The following CCSER1 variants were observed in gnomAD, a reference collection of about 807,000 sequenced individuals.
The protein encoded by CCSER1 is serine-rich coiled-coil domain-containing protein 1.
Under a neutral mutation model 82.0 loss-of-function variants are expected in CCSER1, and 41 were observed. The observed-to-expected ratio is 0.50, with a 90% CI of 0.39 to 0.65. CCSER1 has a LOEUF of 0.65. Among genes scored for constraint, CCSER1 ranks in the 30% least tolerant of loss-of-function variants. CCSER1 has a pLI of 0.00. For missense variants in CCSER1, 1,119 were observed against 1,064.2 expected (o/e 1.05, Z -0.72); for synonymous variants, 414 against 383.9 (o/e 1.08, Z -0.92).
intron 9 of CCSER1, among the ~76,000 whole-genome samples, chr4:90,980,679 G>A (rs72665476): frequency 0.26 from 38,794 of 151,406 alleles, 5,482 homozygotes; most frequent in Non-Finnish European, 0.32. Flanking sequence ...AGTGTGGCAG[G>A]GGCCAGAGGA....
intron 10 of CCSER1, among the ~76,000 whole-genome samples, chr4:91,308,841 G>A (rs10029578): frequency 0.78 from 118,739 of 151,842 alleles, 46,506 homozygotes; most frequent in Middle Eastern, 0.85. Context: ...TTTAACACAG[G>A]AGCAACCAAA....
At chr4:90,294,662 C>T (rs535318649) in intron 1 of CCSER1, among the ~76,000 whole-genome samples, 1 of 152,030 alleles carries the variant, frequency 6.6e-6, no homozygotes, top group South Asian at 2.1e-4. Flanking sequence ...TTTAAATAGG[C>T]TATATATCTC....
At position 90,376,461 on chromosome 4, in the gene CCSER1, A is replaced by G. The variant is rs530309821; in HGVS notation, c.1510-23575A>G. On this transcript the variant is annotated intron_variant, in intron 3 of 10. Transcript: ENST00000509176. ...GCTGAGCCTGTGTGATTTCTAATAC[A>G]TCTTTCTGTACACCTGGATTAATGC... Among the ~76,000 whole-genome samples, 29 of 152,248 alleles carry G rather than the reference A, an allele frequency of 1.9e-4. No homozygotes were observed. The South Asian group carries it at 5.2e-3, about 27-fold the overall frequency.
At chr4:91,175,211 C>G (rs1733201270) in intron 10 of CCSER1, among the ~76,000 whole-genome samples, 1 of 152,106 alleles carries the variant, frequency 6.6e-6, no homozygotes, top group Non-Finnish European at 1.5e-5. Flanking sequence ...TTTTCTTAAT[C>G]CAGTCTATTG....
intron 10 of CCSER1, among the ~76,000 whole-genome samples, chr4:91,571,543 C>T (rs752220498): frequency 6.6e-6 from 1 of 152,086 alleles, no homozygotes; most frequent in Non-Finnish European, 1.5e-5. Context: ...AGAATGAATG[C>T]CAGCAGGGTA....
At chr4:90,629,939 T>C (rs1212794691) in intron 6 of CCSER1, among the ~76,000 whole-genome samples, 1 of 152,248 alleles carries the variant, frequency 6.6e-6, no homozygotes, top group Non-Finnish European at 1.5e-5. Context: ...TAGAATCACA[T>C]GGTGGAAGTA....
chr4:90,823,376 G>A (rs1561200147), intron 8 of CCSER1, among the ~76,000 whole-genome samples: 1 of 151,944 alleles, frequency 6.6e-6, no homozygotes, highest in South Asian at 2.1e-4. Context: ...AACACTCAAC[G>A]ATTCCACCAC....
At chr4:91,201,026 T>C (rs972375344) in intron 10 of CCSER1, among the ~76,000 whole-genome samples, 1 of 152,034 alleles carries the variant, frequency 6.6e-6, no homozygotes, top group Non-Finnish European at 1.5e-5. Context: ...ACCAACATTT[T>C]CTGACAGTTT....
At chr4:91,165,073 C>G (rs375404185) in intron 10 of CCSER1, among the ~76,000 whole-genome samples, 7 of 152,192 alleles carry the variant, frequency 4.6e-5, no homozygotes, top group African/African-American at 1.7e-4. Flanking sequence ...GTGGTTTTAT[C>G]TACCTTTGGT....
At chr4:91,383,694 A>T (rs1158874043) in intron 10 of CCSER1, among the ~76,000 whole-genome samples, 2 of 152,122 alleles carry the variant, frequency 1.3e-5, no homozygotes, top group African/African-American at 2.4e-5. Context: ...GTATAGAATA[A>T]ATTTGCTAAT....
intron 5 of CCSER1, among the ~76,000 whole-genome samples, chr4:90,492,793 G>A (rs1284738049): frequency 6.6e-6 from 1 of 152,128 alleles, no homozygotes; most frequent in African/African-American, 2.4e-5. Context: ...AGTCATTCAG[G>A]AGCAGGTTGT....
chr4:90,912,342 A>T (rs1726530627), intron 8 of CCSER1, among the ~76,000 whole-genome samples: 1 of 152,220 alleles, frequency 6.6e-6, no homozygotes, highest in South Asian at 2.1e-4. Flanking sequence ...AATATTCGCT[A>T]TTCTGCAGCC....
chr4:91,343,054 G>A (rs1747821369), intron 10 of CCSER1, among the ~76,000 whole-genome samples: 1 of 151,984 alleles, frequency 6.6e-6, no homozygotes, highest in Non-Finnish European at 1.5e-5. Context: ...GTTGAAATCT[G>A]TGTTATATAA....
At chr4:91,061,580 T>G (rs755411050) in intron 9 of CCSER1, among the ~76,000 whole-genome samples, 3 of 152,072 alleles carry the variant, frequency 2.0e-5, no homozygotes, top group Non-Finnish European at 2.9e-5. Flanking sequence ...TAAATTCAAA[T>G]TTCCCTGAAG....
intron 1 of CCSER1, among the ~76,000 whole-genome samples, chr4:90,172,887 G>A (rs903343259): frequency 1.3e-5 from 2 of 151,866 alleles, no homozygotes; most frequent in African/African-American, 2.4e-5. Context: ...TGGAGAGTAG[G>A]ATTGTAAAAT....
chr4:90,654,157 A>C (rs999559774), intron 6 of CCSER1, among the ~76,000 whole-genome samples: 1 of 152,124 alleles, frequency 6.6e-6, no homozygotes, highest in Non-Finnish European at 1.5e-5. Flanking sequence ...ATAAATCCAG[A>C]CCATATCAGA....
At chr4:91,501,079 C>T (rs1211300940) in intron 10 of CCSER1, among the ~76,000 whole-genome samples, 2 of 151,452 alleles carry the variant, frequency 1.3e-5, no homozygotes, top group Admixed American at 6.6e-5. Flanking sequence ...TAGTCTGACC[C>T]TATATTATTA....
chr4:91,229,773 G>T (rs779063092), intron 10 of CCSER1, among the ~76,000 whole-genome samples: 1 of 152,248 alleles, frequency 6.6e-6, no homozygotes, highest in African/African-American at 2.4e-5. Flanking sequence ...TCATTAGTGG[G>T]AGTTAAACAA....
chr4:90,886,925 T>C (rs78099542), intron 8 of CCSER1, among the ~76,000 whole-genome samples: 242 of 152,294 alleles, frequency 1.6e-3, no homozygotes, highest in Non-Finnish European at 3.0e-3. Context: ...TGTTTTTCAG[T>C]ATCCAACAAG....
Sources: gnomAD v4.1 joint callset for allele counts (sites outside exome capture counted in the v4.1 genomes callset) on GRCh38, gnomAD v4.1.1 for gene constraint, MANE v1.5 for transcripts, NCBI Gene and HGNC (gene_info 2026-07-23, HGNC 2026-07-21) for gene names.